The following PCDHGA12 variants were observed in gnomAD, a reference collection of about 807,000 sequenced individuals.
The protein encoded by PCDHGA12 is protocadherin gamma-A12.
Under a neutral mutation model 61.1 loss-of-function variants are expected in PCDHGA12, and 43 were observed. That is an observed-to-expected ratio of 0.70 (90% CI 0.55 to 0.91). The LOEUF is 0.91. Among genes scored for constraint, PCDHGA12 ranks in the 40% least tolerant of loss-of-function variants. PCDHGA12 has a pLI of 0.00. For missense variants in PCDHGA12, 1,236 were observed against 1,227.7 expected (o/e 1.01, Z -0.10); for synonymous variants, 520 against 542.9 (o/e 0.96, Z 0.59).
At chr5:141,498,971 G>GGAAGGAA (rs2099787559) in intron 2 of PCDHGA12, among the ~76,000 whole-genome samples, 2 of 111,052 alleles carry the variant, frequency 1.8e-5, no homozygotes, top group African/African-American at 7.2e-5. Context: ...GAGGGAGGGA[G>GGAAGGAA]GGAAGGAAGG....
intron 1 of PCDHGA12, chr5:141,441,971 G>C: frequency 3.3e-6 from 1 of 298,820 alleles, no homozygotes; most frequent in Admixed American, 4.4e-5. Flanking sequence ...AGGCTCTTCA[G>C]CCTGGAATGC....
chr5:141,440,035 C>T, intron 1 of PCDHGA12: 1 of 153,140 alleles, frequency 6.5e-6, no homozygotes, highest in East Asian at 1.9e-4. Flanking sequence ...GTGTCGAGGA[C>T]ATGCCCACTT....
In PCDHGA12 at chr5:141,432,866, G is replaced by A; in HGVS notation, c.2107G>A (p.Val703Ile). The A allele has an allele frequency of 6.2e-7, 1 of 1,614,152 alleles. No individual in the cohort carries two copies. The highest frequency in any genetic ancestry group is 8.5e-7 in the Non-Finnish European group (1 of 1,180,008). Residue 703 changes from valine (V) to isoleucine (I), a missense_variant, in exon 1 of 4, where the codon GTC (valine) becomes ATC (isoleucine). Transcript: ENST00000252085. This position sits in a 1 kb window ranked among gnomAD's most constrained non-coding sequence, Gnocchi z 6.0. ...GGTAGCGGTGGCCGCGGTCTCCTGC[G>A]TCTTCCTGGCCTTCGTCATCTTGCT... The part of the protein sequence containing the change: ...LVVAVAAVSC[V>I]FLAFVILLLA...
chr5:141,476,346 T>G lies in PCDHGA12; in HGVS notation c.2425-18461T>G, dbSNP rs1239836597. On this transcript the variant is annotated intron_variant, in intron 1 of 3. Coordinates refer to ENST00000252085, the MANE Select transcript of PCDHGA12 (RefSeq NM_003735.3). The surrounding 1 kb of genome is among the most constrained non-coding windows in gnomAD (Gnocchi z 7.6). The stretch of plus-strand genomic sequence containing the variant: ...GTGTCTGGAGCTAGCCGAAGATTCT[T>G]TGAGGTGAACCGGGAGACCGGAGAG... 2.5e-6 allele frequency: 4 copies of G among 1,613,932 alleles called. No individual in the cohort carries two copies. Among genetic ancestry groups the G allele is most frequent in the Non-Finnish European group, 3.4e-6 (4 of 1,180,022 alleles).
At position 141,477,806 on chromosome 5, in the gene PCDHGA12, G is replaced by GC; in HGVS notation, c.2425-16995dup. Reference sequence around the variant, plus strand: ...ATTTGTCACTGATCGCAATGACAATGCCCCCCAGGTCCTATATCCTCGGCC... The same window carrying GC: ...ATTTGTCACTGATCGCAATGACAATGCCCCCCCAGGTCCTATATCCTCGGCC... On this transcript the variant is annotated intron_variant, in intron 1 of 3. Transcript: ENST00000252085. This position sits in a 1 kb window ranked among gnomAD's most constrained non-coding sequence, Gnocchi z 4.9. 1 of 1,614,114 alleles carries GC rather than the reference G, an allele frequency of 6.2e-7. No homozygotes were observed.
At chr5:141,451,193 A>T (rs2098710240) in intron 1 of PCDHGA12, among the ~76,000 whole-genome samples, 1 of 152,208 alleles carries the variant, frequency 6.6e-6, no homozygotes, top group Non-Finnish European at 1.5e-5. Context: ...TGTGTAACAA[A>T]TTATCCCAAA....
rs1418195492 is a variant in PCDHGA12 at position 141,431,459 on chromosome 5, G to T, written c.700G>T (p.Asp234Tyr). 4 of 1,613,692 alleles carry T rather than the reference G, an allele frequency of 2.5e-6. No homozygotes were observed. The highest frequency in any genetic ancestry group is 3.4e-6 in the Non-Finnish European group (4 of 1,179,994). Reference sequence around the variant, plus strand: ...CGCGCGCATCCGCGTGATGGTTCTGGATGCGAACGACAACGCACCAGCGTT... The same window carrying T: ...CGCGCGCATCCGCGTGATGGTTCTGTATGCGAACGACAACGCACCAGCGTT... Reference protein sequence around the residue: ...GTARIRVMVLDANDNAPAFAQ... With the variant: ...GTARIRVMVLYANDNAPAFAQ... Residue 234 changes from aspartate (D) to tyrosine (Y), a missense_variant, in exon 1 of 4, where the codon GAT becomes TAT. Asp to Tyr is a radical substitution (Grantham distance 160). Transcript: ENST00000252085. This position sits in a 1 kb window ranked among gnomAD's most constrained non-coding sequence, Gnocchi z 4.8.
chr5:141,430,907 A>G lies in PCDHGA12; in HGVS notation c.148A>G (p.Arg50Gly), dbSNP rs776543955. ...EKGSRVGDIS[R>G]DLGLEPRELA... The stretch of plus-strand genomic sequence containing the variant: ...AGGCTCTAGGGTGGGCGACATCTCC[A>G]GGGACCTGGGGCTGGAGCCCCGGGA... The change falls in exon 1 of 4, where the codon AGG becomes GGG. Residue 50 changes from arginine to glycine, a missense_variant. Coordinates refer to ENST00000252085, the MANE Select transcript of PCDHGA12 (RefSeq NM_003735.3). 6.2e-7 allele frequency: 1 copy of G among 1,606,916 alleles called. No homozygotes were observed. Among genetic ancestry groups the G allele is most frequent in the Non-Finnish European group, 8.5e-7 (1 of 1,177,320 alleles).
intron 1 of PCDHGA12, among the ~76,000 whole-genome samples, chr5:141,448,842 G>A (rs943887884): frequency 6.6e-6 from 1 of 152,182 alleles, no homozygotes; most frequent in Non-Finnish European, 1.5e-5. Context: ...CTACTCTGGA[G>A]GCTGAGGCAG....
At chr5:141,441,102 C>G (rs1057297804) in intron 1 of PCDHGA12, 1 of 152,148 alleles carries the variant, frequency 6.6e-6, no homozygotes, top group East Asian at 1.9e-4. Context: ...GAGAGGGACT[C>G]ATTGTCCAGT....
intron 1 of PCDHGA12, among the ~76,000 whole-genome samples, chr5:141,445,937 A>C (rs2098482193): frequency 6.6e-6 from 1 of 152,202 alleles, no homozygotes; most frequent in African/African-American, 2.4e-5. Flanking sequence ...TGAATTATTA[A>C]GCTTACTCTG....
At chr5:141,501,516 C>A (rs763346187) in intron 2 of PCDHGA12, among the ~76,000 whole-genome samples, 1 of 152,010 alleles carries the variant, frequency 6.6e-6, no homozygotes, top group Non-Finnish European at 1.5e-5. Flanking sequence ...GGCCTCCAAG[C>A]TGAAGCCCAG....
At chr5:141,461,242 T>G (rs1246270739) in intron 1 of PCDHGA12, among the ~76,000 whole-genome samples, 1 of 152,170 alleles carries the variant, frequency 6.6e-6, no homozygotes, top group Non-Finnish European at 1.5e-5. Context: ...TGTACTAATT[T>G]ATATTCCCAG....
intron 1 of PCDHGA12, among the ~76,000 whole-genome samples, chr5:141,470,814 A>T (rs1170059292): frequency 2.6e-5 from 4 of 152,006 alleles, no homozygotes; most frequent in Admixed American, 6.5e-5. Context: ...CAGCCTTCTG[A>T]GTAGTTAGGA....
At chr5:141,471,252 T>C (rs1003162914) in intron 1 of PCDHGA12, 1 of 151,872 alleles carries the variant, frequency 6.6e-6, no homozygotes, top group Non-Finnish European at 1.5e-5. Flanking sequence ...GGTTTCACCA[T>C]GTTGGCAAGG....
intron 2 of PCDHGA12, among the ~76,000 whole-genome samples, chr5:141,504,443 A>C (rs1043353401): frequency 2.0e-5 from 3 of 152,070 alleles, no homozygotes; most frequent in African/African-American, 4.8e-5. Context: ...CAGTGTGACT[A>C]GTGCCATGTG....
rs753845173 is a variant in PCDHGA12, at chr5:141,490,873, C to T, written c.2425-3934C>T. On this transcript the variant is annotated intron_variant, in intron 1 of 3. Coordinates refer to ENST00000252085, the MANE Select transcript of PCDHGA12 (RefSeq NM_003735.3). The surrounding 1 kb of genome is among the most constrained non-coding windows in gnomAD (Gnocchi z 5.4). Reference sequence around the variant, plus strand: ...TCGAGACTCCGGCTCTCCCCCATTGCATGCCAACACATCTCTGCATGTGTT... The same window carrying T: ...TCGAGACTCCGGCTCTCCCCCATTGTATGCCAACACATCTCTGCATGTGTT... 5.6e-6 allele frequency: 9 copies of T among 1,613,884 alleles called. No homozygotes were observed. The highest frequency in any genetic ancestry group is 7.6e-6 in the Non-Finnish European group (9 of 1,179,908).
chr5:141,476,843 G>A lies in PCDHGA12; in HGVS notation c.2425-17964G>A, dbSNP rs2099399765. On this transcript the variant is annotated intron_variant, in intron 1 of 3. Transcript: ENST00000252085. The surrounding 1 kb of genome is among the most constrained non-coding windows in gnomAD (Gnocchi z 7.6). ...GCTGGACGCGAATGACAATGCGCCT[G>A]TCTTCAACCAGTCCTTGTACCGGGC... 1 of 1,613,706 alleles carries A rather than the reference G, an allele frequency of 6.2e-7. No individual in the cohort carries two copies. Among genetic ancestry groups the A allele is most frequent in the Non-Finnish European group, 8.5e-7 (1 of 1,180,046 alleles).
At chr5:141,449,198 A>C (rs2098631518) in intron 1 of PCDHGA12, among the ~76,000 whole-genome samples, 1 of 152,188 alleles carries the variant, frequency 6.6e-6, no homozygotes, top group Non-Finnish European at 1.5e-5. Context: ...AAGAAGTGTT[A>C]ATTCTAACTT....
Sources: gnomAD v4.1 joint callset for allele counts (sites outside exome capture counted in the v4.1 genomes callset) on GRCh38, gnomAD v4.1.1 for gene constraint, Gnocchi (gnomAD v3.1) non-coding constraint, MANE v1.5 for transcripts, NCBI Gene and HGNC (gene_info 2026-07-23, HGNC 2026-07-21) for gene names.